The following LCT variants were observed in gnomAD, a reference collection of about 807,000 sequenced individuals.
The protein encoded by LCT is lactase/phlorizin hydrolase.
Under a neutral mutation model 173.0 loss-of-function variants are expected in LCT, and 90 were observed. The observed-to-expected ratio is 0.52, with a 90% CI of 0.44 to 0.62. The LOEUF (loss-of-function observed/expected upper bound fraction) is 0.62, where lower values mean the gene tolerates loss of function less well. Ranked by LOEUF, LCT falls within the 20% of genes least tolerant of loss-of-function variation. The probability of loss-of-function intolerance (pLI) is 0.00; values close to 1 mark genes in which losing one functional copy is unlikely to be tolerated. For missense variants in LCT, 1,864 were observed against 2,431.4 expected (o/e 0.77, Z 4.91); for synonymous variants, 853 against 957.6 (o/e 0.89, Z 2.02).
At position 135,807,219 on chromosome 2, in the gene LCT, T is replaced by G; in HGVS notation, c.4082A>C (p.Asn1361Thr). The G allele has an allele frequency of 1.2e-6, 2 of 1,614,256 alleles. No individual in the cohort carries two copies. Among genetic ancestry groups the G allele is most frequent in the Non-Finnish European group, 1.7e-6 (2 of 1,180,038 alleles). Residue 1361 changes from asparagine to threonine, a missense_variant, in exon 9 of 17, where the codon AAC becomes ACC. By Grantham distance (65) the Asn-to-Thr change is moderately conservative. Coordinates refer to ENST00000264162, the MANE Select transcript of LCT (RefSeq NM_002299.4). ...CTCCCTGGCCAGTGGCATGCCGTTG[T>G]TGGTAATGACCTCTGTGTAGTACCT... The part of the protein sequence containing the change: ...SARYYTEVIT[N>T]NGMPLAREDE...
At chr2:135,793,969 TAC>T (rs2077555297) in intron 14 of LCT, among the ~76,000 whole-genome samples, 1 of 44,606 alleles carries the variant, frequency 2.2e-5, no homozygotes, top group Non-Finnish European at 5.4e-5. Context: ...TCTGCTAAAA[TAC>T]AAAAAAAAAA....
intron 16 of LCT, 141 bp downstream of exon 16, chr2:135,789,430 G>T: frequency 1.4e-6 from 1 of 695,578 alleles, no homozygotes; most frequent in Non-Finnish European, 2.6e-6. Context: ...AGCATTCAAA[G>T]AAAATAAACA....
chr2:135,805,530 T>C (rs528382626), intron 9 of LCT, among the ~76,000 whole-genome samples: 2 of 152,342 alleles, frequency 1.3e-5, no homozygotes, highest in East Asian at 3.9e-4. Context: ...ATTTTCTGTA[T>C]GAGTAAGCCT....
Position 135,794,612 on chromosome 2 carries a change from G to A in LCT, c.5111+29C>T, listed in dbSNP as rs375337724. 169 of 1,612,354 alleles carry A rather than the reference G, an allele frequency of 1.0e-4. 1 individual carries two copies. The African/African-American group carries it at 1.6e-3, about 15-fold the overall frequency. ...GCACCTTTCTGCCTTTTCCAGAGAT[G>A]GCTCCGGGCTCCCTGTTGGTGGACT... On this transcript the variant is annotated intron_variant, in intron 14 of 16. Coordinates refer to ENST00000264162, the MANE Select transcript of LCT (RefSeq NM_002299.4).
intron 9 of LCT, 85 bp downstream of exon 9, chr2:135,807,043 C>G: frequency 6.8e-7 from 1 of 1,468,120 alleles, no homozygotes; most frequent in Non-Finnish European, 9.5e-7. Context: ...CCTGTTCATG[C>G]ATCTGCCCTT....
rs2077742000 is a variant in LCT, at chr2:135,812,443, G to A, written c.2221C>T (p.Leu741=). The A allele has an allele frequency of 6.2e-7, 1 of 1,614,208 alleles. No homozygotes were observed. Among genetic ancestry groups the A allele is most frequent in the Non-Finnish European group, 8.5e-7 (1 of 1,180,040 alleles). ...GIRRLLQFVS[L]EYTRGKVPIY... ...GGAACTTTTCCTCTTGTGTATTCCAGGGATACAAACTGCAACAGCCTCCTT... is the reference window on the plus strand; with the variant it reads ...GGAACTTTTCCTCTTGTGTATTCCAAGGATACAAACTGCAACAGCCTCCTT... The change falls in exon 7 of 17, where the codon CTG becomes TTG. Residue 741 remains leucine, a synonymous_variant. Coordinates refer to ENST00000264162, the MANE Select transcript of LCT (RefSeq NM_002299.4).
intron 1 of LCT, 24 bp from the exon 2 acceptor site, chr2:135,833,214 C>G: frequency 6.3e-7 from 1 of 1,586,916 alleles, no homozygotes; most frequent in South Asian, 1.1e-5. Flanking sequence ...GAGACACGAA[C>G]AGCAGGTGAG....
At chr2:135,815,682 GTAT>G (rs57008352) in intron 6 of LCT, among the ~76,000 whole-genome samples, 1 of 150,698 alleles carries the variant, frequency 6.6e-6, no homozygotes, top group Non-Finnish European at 1.5e-5. Flanking sequence ...ACAGGAAATA[GTAT>G]TATTATTATT....
In LCT at chr2:135,789,673, G is replaced by A; in HGVS notation, c.5461C>T (p.Pro1821Ser). The change falls in exon 16 of 17, where the codon CCA becomes TCA. Residue 1821 changes from proline (P) to serine (S), a missense_variant. This residue lies in a region of LCT where 514 missense variants were observed against 750.1 expected (regional missense o/e 0.69). Transcript: ENST00000264162. ...HFVNYSDPSL[P>S]RIPKASAKFY... The stretch of plus-strand genomic sequence containing the variant: ...TTCGCTGATGCTTTGGGGATCCTTG[G>A]CAGAGAAGGGTCACTGTAGTTCACA... 6.2e-7 allele frequency: 1 copy of A among 1,614,160 alleles called. No individual in the cohort carries two copies. Among genetic ancestry groups the A allele is most frequent in the African/African-American group, 1.3e-5 (1 of 75,052 alleles).
intron 11 of LCT, among the ~76,000 whole-genome samples, chr2:135,801,929 TGCCATGA>T (rs1197639433): frequency 6.6e-6 from 1 of 152,048 alleles, no homozygotes; most frequent in Non-Finnish European, 1.5e-5. Flanking sequence ...AGTGCAGTGG[TGCCATGA>T]GCATGGCTCA....
In LCT at chr2:135,833,091, T is replaced by A; in HGVS notation, c.720+20A>T. On this transcript the variant is annotated intron_variant, in intron 2 of 16. Coordinates refer to ENST00000264162, the MANE Select transcript of LCT (RefSeq NM_002299.4). ...AAACTCTCCTCAGATGTTACAGGTA[T>A]ATTTTTGGGCTGCTGTCACCTGGGC... 2 of 1,580,960 alleles carry A rather than the reference T, an allele frequency of 1.3e-6. No individual in the cohort carries two copies. The highest frequency in any genetic ancestry group is 1.7e-6 in the Non-Finnish European group (2 of 1,149,998).
chr2:135,808,914 G>A lies in LCT; in HGVS notation c.3433C>T (p.Arg1145Ter), dbSNP rs765765945. Residue 1145 changes from arginine to a stop codon, truncating the protein, a stop_gained, in exon 8 of 17, where the codon CGA becomes TGA. Coordinates refer to ENST00000264162, the MANE Select transcript of LCT (RefSeq NM_002299.4). LOFTEE classifies it high-confidence loss of function. ...GVPRDVEAAD[R>*]MLQFSLGWFA... ...CAGCCCAGGGAGAACTGCAGCATTC[G>A]GTCAGCGGCTTCCACATCTCTGGGG... The A allele has an allele frequency of 6.8e-6, 11 of 1,614,216 alleles. No individual in the cohort carries two copies. The highest frequency in any genetic ancestry group is 9.3e-6 in the Non-Finnish European group (11 of 1,180,044).
chr2:135,791,022 C>A (rs911213052), intron 14 of LCT, 141 bp from the exon 15 acceptor site: 34 of 712,898 alleles, frequency 4.8e-5, no homozygotes, highest in Non-Finnish European at 5.0e-6. Flanking sequence ...CCAGAAGAAT[C>A]AAATTGCCTC....
intron 12 of LCT, among the ~76,000 whole-genome samples, chr2:135,798,856 C>T (rs1474736576): frequency 6.6e-6 from 1 of 151,928 alleles, no homozygotes; most frequent in East Asian, 1.9e-4. Flanking sequence ...ACACACATGC[C>T]CTGGTAAAGA....
rs780932255 is a variant in LCT at position 135,789,650 on chromosome 2, C to T, written c.5484G>A (p.Ala1828=). The change falls in exon 16 of 17, where the codon GCG becomes GCA. Residue 1828 remains alanine, a synonymous_variant. Transcript: ENST00000264162. The stretch of plus-strand genomic sequence containing the variant: ...ATCGGACCACAGAGGCGTAGAACTT[C>T]GCTGATGCTTTGGGGATCCTTGGCA... The part of the protein sequence containing the change: ...PSLPRIPKAS[A]KFYASVVRCN... The T allele has an allele frequency of 2.5e-5, 40 of 1,614,064 alleles. No individual in the cohort carries two copies. Among genetic ancestry groups the T allele is most frequent in the Middle Eastern group, 1.6e-4 (1 of 6,078 alleles).
At chr2:135,832,573 C>T (rs1214225210) in intron 2 of LCT, among the ~76,000 whole-genome samples, 1 of 151,692 alleles carries the variant, frequency 6.6e-6, no homozygotes, top group South Asian at 2.1e-4. Flanking sequence ...CAGCCTTGAC[C>T]TCCAGGGCTC....
At chr2:135,808,106 C>T (rs560782238) in intron 8 of LCT, among the ~76,000 whole-genome samples, 8 of 151,964 alleles carry the variant, frequency 5.3e-5, no homozygotes, top group South Asian at 2.1e-4. Context: ...ATAAGCTCTA[C>T]GAAGGCAGAA....
Position 135,808,721 on chromosome 2 carries a change from T to C in LCT, c.3626A>G (p.Tyr1209Cys). The change falls in exon 8 of 17, where the codon TAC becomes TGC. Residue 1209 changes from tyrosine (Y) to cysteine (C), a missense_variant. Tyr to Cys is a radical substitution (Grantham distance 194, BLOSUM62 -2). This residue lies in a region of LCT where 755 missense variants were observed against 926.3 expected (regional missense o/e 0.82). Transcript: ENST00000264162. ...ATADVFCLNT[Y>C]YSRIVQHKTP... ...TTTGTGCTGCACGATTCTGGAGTAG[T>C]ACGTGTTGAGGCAGAAGACGTCGGC... The C allele has an allele frequency of 1.2e-6, 2 of 1,614,170 alleles. No homozygotes were observed. Among genetic ancestry groups the C allele is most frequent in the Non-Finnish European group, 1.7e-6 (2 of 1,180,016 alleles).
chr2:135,808,490 G>A lies in LCT; in HGVS notation c.3857C>T (p.Thr1286Ile), dbSNP rs140136867. The A allele has an allele frequency of 8.7e-5, 140 of 1,614,064 alleles. 1 individual carries two copies. In the African/African-American group the frequency reaches 1.7e-3, roughly 19 times the overall value. ...VGLTNPNTED[T>I]DRIFYHKTYI... ...GGTTTTGTGGTAAAATATCCTATCA[G>A]TATCCTCCGTGTTCGGATTGGTCAG... is the stretch of plus-strand genomic sequence containing the variant. Residue 1286 changes from threonine to isoleucine, a missense_variant, in exon 8 of 17, where the codon ACT becomes ATT. By Grantham distance (89) the Thr-to-Ile change is moderately conservative (BLOSUM62 -1). Coordinates refer to ENST00000264162, the MANE Select transcript of LCT (RefSeq NM_002299.4).
Sources: allele counts gnomAD v4.1 joint callset (sites outside exome capture counted in the v4.1 genomes callset), GRCh38; gene constraint gnomAD v4.1.1; regional missense constraint gnomAD v4.1.1; transcripts MANE v1.5; gene names NCBI Gene and HGNC (gene_info 2026-07-23, HGNC 2026-07-21).